The following KDELR3 variants were observed in gnomAD, a reference collection of about 807,000 sequenced individuals.
KDELR3 encodes the protein KDEL endoplasmic reticulum protein retention receptor 3.
In KDELR3, 26 loss-of-function variants were observed where a neutral mutation model predicts 22.7. The ratio of observed to expected loss-of-function variants is 1.15; its 90% CI spans 0.84 to 1.59. The LOEUF (loss-of-function observed/expected upper bound fraction) is 1.59, where lower values mean the gene tolerates loss of function less well. KDELR3 is among the 40% of genes most tolerant of loss of function. The pLI is 0.00. For synonymous variants in KDELR3, 120 were observed against 98.2 expected (o/e 1.22, Z -1.31); for missense variants, 289 against 251.1 (o/e 1.15, Z -1.02).
At chr22:38,481,607 T>C in intron 4 of KDELR3, 143 bp downstream of exon 4, 1 of 1,505,496 alleles carries the variant, frequency 6.6e-7, no homozygotes, top group Non-Finnish European at 8.8e-7. Flanking sequence ...AGACAAATAT[T>C]TTCAATAAAG....
At chr22:38,474,485 C>A in intron 1 of KDELR3, 38 bp from the exon 2 acceptor site, 1 of 1,548,428 alleles carries the variant, frequency 6.5e-7, no homozygotes, top group Non-Finnish European at 8.9e-7. Context: ...GCTTGGGAGT[C>A]TGTGTCCTCA....
rs558258642 is a variant in KDELR3 at position 38,481,196 on chromosome 22, T to G, written c.352-16T>G. 11 of 1,605,560 alleles carry G rather than the reference T, an allele frequency of 6.9e-6. No homozygotes were observed. The East Asian group carries it at 2.2e-4, about 33-fold the overall frequency. On this transcript the variant is annotated splice_polypyrimidine_tract_variant and intron_variant, in intron 3 of 4. Transcript: ENST00000216014. ...TTGGTCTTGCTCAGTCTCTGGTTGC[T>G]TTCTCTTTGGCTCAGATCCTCTGGA...
chr22:38,479,471 T>C (rs2089582953), intron 2 of KDELR3, 122 bp from the exon 3 acceptor site: 1 of 910,986 alleles, frequency 1.1e-6, no homozygotes, highest in Non-Finnish European at 1.7e-6. Context: ...CAAACACATT[T>C]AACCTCTTCA....
rs1363738550 is a variant in KDELR3 at position 38,481,369 on chromosome 22, A to G, written c.509A>G (p.Tyr170Cys). The change falls in exon 4 of 5, where the codon TAC becomes TGC. Residue 170 changes from tyrosine to cysteine, a missense_variant. Transcript: ENST00000216014. ...TACCTGGCTAACTGGATCAGGCGGTACCAGACTGAGAATTTCTATGACCAA... is the reference window on the plus strand; with the variant it reads ...TACCTGGCTAACTGGATCAGGCGGTGCCAGACTGAGAATTTCTATGACCAA... ...ALYLANWIRRYQTENFYDQIA... is the reference protein window; with the variant it reads ...ALYLANWIRRCQTENFYDQIA... 2.5e-6 allele frequency: 4 copies of G among 1,614,192 alleles called. No homozygotes were observed. The highest frequency in any genetic ancestry group is 2.2e-5 in the South Asian group (2 of 91,088).
In KDELR3 at chr22:38,479,768, A is replaced by C. The variant is rs1411560725; in HGVS notation, c.351+17A>C. The C allele has an allele frequency of 1.2e-6, 2 of 1,613,254 alleles. No homozygotes were observed. The highest frequency in any genetic ancestry group is 1.7e-4 in the Middle Eastern group (1 of 6,060). ...CTGCTGGAGGTAAGGGAATGGACTG[A>C]GTACCAGTTCTCAAAGGGAAATATG... On this transcript the variant is annotated intron_variant, in intron 3 of 4. Transcript: ENST00000216014.
chr22:38,481,930 CA>C (rs1346060426), intron 4 of KDELR3, among the ~76,000 whole-genome samples: 2 of 151,422 alleles, frequency 1.3e-5, no homozygotes, highest in Non-Finnish European at 2.9e-5. Context: ...TGAGCAAAAA[CA>C]AACAAAAAGA....
intron 1 of KDELR3, among the ~76,000 whole-genome samples, chr22:38,469,440 A>G (rs1428626301): frequency 6.6e-6 from 1 of 152,204 alleles, no homozygotes; most frequent in Non-Finnish European, 1.5e-5. Context: ...GAGAAAAGGC[A>G]CAGAGCAGGG....
Position 38,479,731 on chromosome 22 carries a change from T to C in KDELR3, c.331T>C (p.Tyr111His). The change falls in exon 3 of 5, where the codon TAC becomes CAC. Residue 111 changes from tyrosine (Y) to histidine (H), a missense_variant. By Grantham distance (83) the Tyr-to-His change is moderately conservative. Coordinates refer to ENST00000216014, the MANE Select transcript of KDELR3 (RefSeq NM_006855.4). The stretch of plus-strand genomic sequence containing the variant: ...CATTGGCCTTTCCTTCCTTGAAAAC[T>C]ACAGTTTCACTCTGCTGGAGGTAAG... ...PVIGLSFLEN[Y>H]SFTLLEILWT... The C allele has an allele frequency of 6.2e-7, 1 of 1,614,178 alleles. No homozygotes were observed. Among genetic ancestry groups the C allele is most frequent in the Non-Finnish European group, 8.5e-7 (1 of 1,180,014 alleles).
chr22:38,473,211 C>G (rs1198917525), intron 1 of KDELR3, among the ~76,000 whole-genome samples: 2 of 151,946 alleles, frequency 1.3e-5, no homozygotes, highest in Admixed American at 1.3e-4. Context: ...TCACTTGGGC[C>G]CAGGAGTTTG....
intron 1 of KDELR3, among the ~76,000 whole-genome samples, chr22:38,468,592 G>T (rs1167891405): frequency 2.6e-5 from 4 of 152,162 alleles, no homozygotes; most frequent in African/African-American, 9.7e-5. Flanking sequence ...GTTGGAAGAG[G>T]GGGTTATAAG....
At chr22:38,480,413 G>C (rs376189212) in intron 3 of KDELR3, among the ~76,000 whole-genome samples, 2 of 152,056 alleles carry the variant, frequency 1.3e-5, no homozygotes, top group African/African-American at 4.8e-5. Flanking sequence ...CAAAGTTCTC[G>C]GATTATAGGT....
At chr22:38,468,393 C>A in intron 1 of KDELR3, 69 bp downstream of exon 1, 1 of 1,389,922 alleles carries the variant, frequency 7.2e-7, no homozygotes. Context: ...GCGTGCAGGG[C>A]AGGGCGCTCC....
intron 2 of KDELR3, among the ~76,000 whole-genome samples, chr22:38,476,549 G>A (rs1417491278): frequency 2.0e-5 from 3 of 151,344 alleles, no homozygotes; most frequent in African/African-American, 4.9e-5. Flanking sequence ...TGTTGAAATG[G>A]AGTCTTGCAC....
intron 1 of KDELR3, 110 bp downstream of exon 1, chr22:38,468,434 TG>T: frequency 2.4e-6 from 2 of 819,700 alleles, no homozygotes; most frequent in Admixed American, 2.4e-5. Context: ...GACTCCGGCG[TG>T]GGGGTCCTTG....
chr22:38,476,676 C>G (rs908616543), intron 2 of KDELR3, among the ~76,000 whole-genome samples: 3 of 151,986 alleles, frequency 2.0e-5, no homozygotes, highest in Non-Finnish European at 4.4e-5. Flanking sequence ...AGGCACCCAC[C>G]ACCACGCCCG....
At chr22:38,472,444 T>C (rs564584483) in intron 1 of KDELR3, among the ~76,000 whole-genome samples, 21 of 151,684 alleles carry the variant, frequency 1.4e-4, no homozygotes, top group Non-Finnish European at 3.1e-4. Context: ...ACCACTGCAC[T>C]CCAGCCTGGG....
At position 38,470,907 on chromosome 22, in the gene KDELR3, G is replaced by A. The variant is rs549676200; in HGVS notation, c.91+2583G>A. ...ACCTGTAATCCCAGCACTTTGGGAT[G>A]CCAAGGCGGGTAGATCACATGAGGT... On this transcript the variant is annotated intron_variant, in intron 1 of 4. Transcript: ENST00000216014. Among the ~76,000 whole-genome samples the A allele has an allele frequency of 5.3e-5, 8 of 152,270 alleles. No homozygotes were observed. In the East Asian group the frequency reaches 1.5e-3, roughly 29 times the overall value.
chr22:38,481,396 T>G lies in KDELR3; in HGVS notation c.536T>G (p.Ile179Ser). The G allele has an allele frequency of 6.2e-7, 1 of 1,614,188 alleles. No homozygotes were observed. The highest frequency in any genetic ancestry group is 8.5e-7 in the Non-Finnish European group (1 of 1,180,034). The change falls in exon 4 of 5, where the codon ATT (isoleucine) becomes AGT (serine). Residue 179 changes from isoleucine (I) to serine (S), a missense_variant. Physicochemically the swap from Ile to Ser is moderately radical, Grantham distance 142 (BLOSUM62 -2). Coordinates refer to ENST00000216014, the MANE Select transcript of KDELR3 (RefSeq NM_006855.4). ...CAGACTGAGAATTTCTATGACCAAA[T>G]TGCAGTCGTGTCTGGAGTAGTACAA... ...RYQTENFYDQIAVVSGVVQTI... is the reference protein window; with the variant it reads ...RYQTENFYDQSAVVSGVVQTI...
At chr22:38,479,513 G>A (rs1325051417) in intron 2 of KDELR3, 80 bp from the exon 3 acceptor site, 4 of 1,344,898 alleles carry the variant, frequency 3.0e-6, no homozygotes, top group Non-Finnish European at 4.2e-6. Flanking sequence ...TGACCCTTAG[G>A]TTTGGTAGGC....
Sources: allele counts gnomAD v4.1 joint callset (sites outside exome capture counted in the v4.1 genomes callset), GRCh38; gene constraint gnomAD v4.1.1; transcripts MANE v1.5; gene names NCBI Gene and HGNC (gene_info 2026-07-23, HGNC 2026-07-21).